The following PDE7B variants were observed in gnomAD, a reference collection of about 807,000 sequenced individuals.
PDE7B encodes the protein 3',5'-cyclic-AMP phosphodiesterase 7B.
In PDE7B, 29 loss-of-function variants were observed where a neutral mutation model predicts 56.2. The observed-to-expected ratio is 0.52, with a 90% CI of 0.38 to 0.70. The LOEUF (loss-of-function observed/expected upper bound fraction) is 0.70. Ranked by LOEUF, PDE7B falls within the 30% of genes least tolerant of loss-of-function variation. PDE7B has a pLI of 0.00. For synonymous variants in PDE7B, 197 were observed against 196.9 expected (o/e 1.00, Z 0.00); for missense variants, 490 against 565.0 (o/e 0.87, Z 1.35).
At chr6:135,870,844 G>C (rs1409865146) in intron 1 of PDE7B, among the ~76,000 whole-genome samples, 1 of 152,136 alleles carries the variant, frequency 6.6e-6, no homozygotes, top group Non-Finnish European at 1.5e-5. Flanking sequence ...TAAAGAGGAA[G>C]AGGGTGGAGA....
chr6:135,907,603 G>A (rs182143063), intron 1 of PDE7B, among the ~76,000 whole-genome samples: 7 of 152,172 alleles, frequency 4.6e-5, no homozygotes, highest in Non-Finnish European at 8.8e-5. Flanking sequence ...AAATGTGCTG[G>A]TTAAAAATTG....
chr6:135,996,842 T>C (rs1168246653), intron 2 of PDE7B, among the ~76,000 whole-genome samples: 1 of 152,184 alleles, frequency 6.6e-6, no homozygotes, highest in Non-Finnish European at 1.5e-5. Flanking sequence ...AAATATACTG[T>C]TTGGTATTTT....
intron 2 of PDE7B, among the ~76,000 whole-genome samples, chr6:136,063,376 T>C (rs1776876172): frequency 6.6e-6 from 1 of 152,168 alleles, no homozygotes; most frequent in Admixed American, 6.5e-5. Flanking sequence ...AAACCACAAA[T>C]ATCTCACAAA....
chr6:136,113,833 G>A lies in PDE7B; in HGVS notation c.166+5019G>A, dbSNP rs144314111. On this transcript the variant is annotated intron_variant, in intron 3 of 12. Transcript: ENST00000308191. Reference sequence around the variant, plus strand: ...CAGAGCAGGCGGCTCCAGCAGCCCCGTCTACAGCTCTGTCTCCTGATTTAA... The same window carrying A: ...CAGAGCAGGCGGCTCCAGCAGCCCCATCTACAGCTCTGTCTCCTGATTTAA... Among the ~76,000 whole-genome samples the A allele has an allele frequency of 5.0e-3, 759 of 152,296 alleles. 2 individuals are homozygous for A. Among genetic ancestry groups the A allele is most frequent in the African/African-American group, 0.017 (692 of 41,564 alleles).
At chr6:136,027,307 C>T (rs1438559970) in intron 2 of PDE7B, among the ~76,000 whole-genome samples, 1 of 152,194 alleles carries the variant, frequency 6.6e-6, no homozygotes, top group Non-Finnish European at 1.5e-5. Flanking sequence ...ATTCCTCTTT[C>T]TTTGCTTTGT....
intron 1 of PDE7B, among the ~76,000 whole-genome samples, chr6:135,926,260 T>A (rs1196160911): frequency 6.6e-6 from 1 of 151,938 alleles, no homozygotes; most frequent in East Asian, 1.9e-4. Context: ...CTAATTTTTT[T>A]GTATTTTTGG....
At chr6:135,982,379 G>A (rs549438125) in intron 2 of PDE7B, among the ~76,000 whole-genome samples, 12 of 152,090 alleles carry the variant, frequency 7.9e-5, no homozygotes, top group African/African-American at 2.7e-4. Flanking sequence ...TGACTCTCAG[G>A]TTCACATGTT....
At chr6:136,104,258 G>T (rs753328336) in intron 2 of PDE7B, among the ~76,000 whole-genome samples, 29 of 152,164 alleles carry the variant, frequency 1.9e-4, no homozygotes, top group Admixed American at 3.9e-4. Context: ...ACAGACTGGG[G>T]ACATGACTCT....
intron 1 of PDE7B, among the ~76,000 whole-genome samples, chr6:135,861,055 T>C (rs1293507918): frequency 1.3e-5 from 2 of 151,974 alleles, no homozygotes; most frequent in Admixed American, 6.6e-5. Context: ...TTGCCTATCA[T>C]TGTATTTTGT....
intron 2 of PDE7B, among the ~76,000 whole-genome samples, chr6:135,975,258 C>G (rs1775165678): frequency 6.6e-6 from 1 of 151,936 alleles, no homozygotes; most frequent in Non-Finnish European, 1.5e-5. Context: ...AAATACAATG[C>G]AGCAAGTTCA....
At chr6:135,966,067 G>C (rs1774992183) in intron 2 of PDE7B, among the ~76,000 whole-genome samples, 1 of 152,170 alleles carries the variant, frequency 6.6e-6, no homozygotes, top group South Asian at 2.1e-4. Flanking sequence ...GAGATTTAAA[G>C]CCATATGTTA....
At chr6:136,030,651 C>T (rs947743048) in intron 2 of PDE7B, among the ~76,000 whole-genome samples, 1 of 152,172 alleles carries the variant, frequency 6.6e-6, no homozygotes, top group Admixed American at 6.5e-5. Context: ...GGAAAGATTA[C>T]CAGGCTTCAT....
At chr6:135,914,215 T>C (rs1206632538) in intron 1 of PDE7B, among the ~76,000 whole-genome samples, 2 of 152,184 alleles carry the variant, frequency 1.3e-5, no homozygotes, top group Non-Finnish European at 2.9e-5. Flanking sequence ...ACCTTTTCAT[T>C]GACATATAAT....
At chr6:136,133,993 A>G (rs1479761366) in intron 3 of PDE7B, among the ~76,000 whole-genome samples, 1 of 152,150 alleles carries the variant, frequency 6.6e-6, no homozygotes, top group Non-Finnish European at 1.5e-5. Context: ...AGTTGGCCTC[A>G]TATTGTGGAG....
intron 5 of PDE7B, among the ~76,000 whole-genome samples, chr6:136,149,759 A>G (rs1778480797): frequency 1.3e-5 from 2 of 152,248 alleles, no homozygotes; most frequent in African/African-American, 4.8e-5. Context: ...TGGCCATTAA[A>G]CAAATGCTGA....
At chr6:136,026,727 T>C (rs1776158411) in intron 2 of PDE7B, among the ~76,000 whole-genome samples, 2 of 152,274 alleles carry the variant, frequency 1.3e-5, no homozygotes, top group South Asian at 4.2e-4. Context: ...CTTGTCAGGA[T>C]TCAATAAGGA....
intron 8 of PDE7B, among the ~76,000 whole-genome samples, chr6:136,168,856 T>C (rs1778837961): frequency 6.6e-6 from 1 of 152,174 alleles, no homozygotes; most frequent in Non-Finnish European, 1.5e-5. Context: ...GAAACTAACA[T>C]CTAATTAGAA....
rs943852669 is a variant in PDE7B, at chr6:135,944,551, A to C, written c.22-2913A>C. ...TTCCCAGACCTCCAGGGAGGTGAAG[A>C]CAAGGAAGAGGACCACCTCATTGTC... On this transcript the variant is annotated intron_variant, in intron 1 of 12. Transcript: ENST00000308191. Among the ~76,000 whole-genome samples the C allele has an allele frequency of 8.5e-5, 13 of 152,310 alleles. No homozygotes were observed. In the South Asian group the frequency reaches 1.0e-3, roughly 12 times the overall value.
chr6:136,191,993 C>T lies in PDE7B; in HGVS notation c.*153C>T, dbSNP rs1251905862. ...ATCTTCCTCCCACTTACCTGCCTCC[C>T]CTCCTTTTCGCAAATGTACAGAAGC... On this transcript the variant is annotated 3_prime_UTR_variant, in exon 13 of 13. Coordinates refer to ENST00000308191, the MANE Select transcript of PDE7B (RefSeq NM_018945.4). 1.5e-4 allele frequency: 98 copies of T among 634,132 alleles called. No individual in the cohort carries two copies. The highest frequency in any genetic ancestry group is 2.3e-4 in the Non-Finnish European group (84 of 366,450). The allele number at this position is 634,132 out of a possible 1,614,324, so 39.3% of individuals were successfully genotyped here. A position where few individuals can be genotyped will look rare whatever the true frequency, so the allele number is the denominator to read the frequency against.
Sources: gnomAD v4.1 joint callset for allele counts (sites outside exome capture counted in the v4.1 genomes callset) on GRCh38, gnomAD v4.1.1 for gene constraint, MANE v1.5 for transcripts, NCBI Gene and HGNC (gene_info 2026-07-23, HGNC 2026-07-21) for gene names.